Variants in MTHFSD observed in about 807,000 individuals in gnomAD.
The protein encoded by MTHFSD is methenyltetrahydrofolate synthetase domain containing.
MTHFSD carries 37 observed loss-of-function variants against 31.1 expected under a neutral mutation model. The ratio of observed to expected loss-of-function variants is 1.19; its 90% CI spans 0.91 to 1.56. MTHFSD has a LOEUF of 1.56. Among genes scored for constraint, MTHFSD ranks in the 40% most tolerant of loss-of-function variants. The pLI is 0.00. For synonymous variants in MTHFSD, 221 were observed against 206.9 expected, an observed-to-expected ratio of 1.07 and a Z score of -0.59; for missense variants, 664 against 510.1, an observed-to-expected ratio of 1.30 and a Z score of -2.91.
intron 7 of MTHFSD, among the ~76,000 whole-genome samples, chr16:86,537,849 G>A (rs1376356651): frequency 6.6e-6 from 1 of 152,220 alleles, no homozygotes; most frequent in Non-Finnish European, 1.5e-5. Context: ...GCACGAGCGT[G>A]GCTCTGGAAG....
At chr16:86,539,770 G>C (rs754542885) in intron 7 of MTHFSD, among the ~76,000 whole-genome samples, 1 of 152,178 alleles carries the variant, frequency 6.6e-6, no homozygotes, top group South Asian at 2.1e-4. Flanking sequence ...TGGAACAAAG[G>C]CCAGGGAATT....
At chr16:86,553,478 C>A (rs1164750796) in intron 2 of MTHFSD, 1 of 152,510 alleles carries the variant, frequency 6.6e-6, no homozygotes, top group Admixed American at 6.5e-5. Context: ...TGTGGGCCAG[C>A]GCGAGTTCCA....
intron 7 of MTHFSD, chr16:86,541,246 T>G (rs1048654243): frequency 7.8e-7 from 1 of 1,285,098 alleles, no homozygotes; most frequent in Non-Finnish European, 1.0e-6. Context: ...GGCTTGGTAC[T>G]GCCTCCTACT....
At chr16:86,550,795 G>A (rs1335815069) in intron 3 of MTHFSD, among the ~76,000 whole-genome samples, 4 of 152,206 alleles carry the variant, frequency 2.6e-5, no homozygotes, top group African/African-American at 4.8e-5. Context: ...TTCTGGAAGA[G>A]CCTACATGGA....
At chr16:86,551,109 A>G (rs1472477236) in intron 3 of MTHFSD, among the ~76,000 whole-genome samples, 1 of 152,240 alleles carries the variant, frequency 6.6e-6, no homozygotes, top group African/African-American at 2.4e-5. Flanking sequence ...TTTGAATGTT[A>G]CTGATTTTAT....
chr16:86,540,816 G>T (rs1971396621), intron 7 of MTHFSD: 2 of 1,024,702 alleles, frequency 2.0e-6, no homozygotes, highest in South Asian at 7.4e-5. Context: ...GGTTACAAAG[G>T]CTGTTCCCTC....
chr16:86,543,271 A>C (rs1046613339), intron 5 of MTHFSD, among the ~76,000 whole-genome samples: 25 of 152,196 alleles, frequency 1.6e-4, no homozygotes, highest in African/African-American at 6.0e-4. Context: ...GGAACAAGGA[A>C]GCGGGAAAAG....
At chr16:86,534,788 G>A (rs187120820) in intron 7 of MTHFSD, among the ~76,000 whole-genome samples, 58 of 151,630 alleles carry the variant, frequency 3.8e-4, no homozygotes, top group African/African-American at 1.4e-3. Flanking sequence ...TGAGGTGAGA[G>A]CATCCCGTGG....
intron 4 of MTHFSD, 102 bp from the exon 5 acceptor site, chr16:86,546,751 C>T: frequency 1.0e-6 from 1 of 996,940 alleles, no homozygotes; most frequent in Non-Finnish European, 1.6e-6. Flanking sequence ...ACCTCTTGGA[C>T]AAAACAGATG....
At chr16:86,536,809 G>A (rs1453558703) in intron 7 of MTHFSD, among the ~76,000 whole-genome samples, 1 of 152,230 alleles carries the variant, frequency 6.6e-6, no homozygotes, top group African/African-American at 2.4e-5. Context: ...GCTCCGCACA[G>A]AGTCCTGCAT....
In MTHFSD at chr16:86,542,998, T is replaced by G. The variant is rs1971738592; in HGVS notation, c.443-785A>C. On this transcript the variant is annotated intron_variant, in intron 5 of 7. Transcript: ENST00000360900. The surrounding 1 kb of genome is among the most constrained non-coding windows in gnomAD (Gnocchi z 4.6). ...ACCCGCAGAGCACCCGCATCACTGC[T>G]GCCGTGTCTAAGACTCACATCTGAT... Among the ~76,000 whole-genome samples the G allele has an allele frequency of 6.6e-6, 1 of 152,256 alleles. No individual in the cohort carries two copies. Among genetic ancestry groups the G allele is most frequent in the Non-Finnish European group, 1.5e-5 (1 of 68,052 alleles).
rs1239800353 is a variant in MTHFSD, at chr16:86,542,064, T to C, written c.555+37A>G. 1.9e-6 allele frequency: 3 copies of C among 1,567,726 alleles called. No individual in the cohort carries two copies. The highest frequency in any genetic ancestry group is 2.6e-6 in the Non-Finnish European group (3 of 1,140,622). On this transcript the variant is annotated intron_variant, in intron 6 of 7. Coordinates refer to ENST00000360900, the MANE Select transcript of MTHFSD (RefSeq NM_001159377.2). This position sits in a 1 kb window ranked among gnomAD's most constrained non-coding sequence, Gnocchi z 4.6. ...CACCCCCTGCTCCCTCAGAAGAGAATGGCAGTGGCTCTGCTCAGCCCATTC... is the reference window on the plus strand; with the variant it reads ...CACCCCCTGCTCCCTCAGAAGAGAACGGCAGTGGCTCTGCTCAGCCCATTC...
chr16:86,541,943 TA>T, intron 6 of MTHFSD, 121 bp from the exon 7 acceptor site: 1 of 1,445,796 alleles, frequency 6.9e-7, no homozygotes, highest in Non-Finnish European at 9.5e-7. Flanking sequence ...ACTCTGGGGC[TA>T]AGGCTTAGCC....
rs199828411 is a variant in MTHFSD, at chr16:86,530,630, TAAG to T, written c.*1378_*1380del. ...AAAAAGGTAAACAAAAAAAAAAAAA[TAAG>T]AATCTTTCAGAAAAAGAAGTATTTT... On this transcript the variant is annotated 3_prime_UTR_variant, in exon 8 of 8. Coordinates refer to ENST00000360900, the MANE Select transcript of MTHFSD (RefSeq NM_001159377.2). 1.7e-3 allele frequency: 248 copies of T among 147,914 alleles called. No individual in the cohort carries two copies. The highest frequency in any genetic ancestry group is 6.2e-3 in the African/African-American group (241 of 39,170). 9.2% of individuals were successfully genotyped at this position (147,914 alleles called of 1,614,324 possible). A position where few individuals can be genotyped will look rare whatever the true frequency, so the allele number is the denominator to read the frequency against.
chr16:86,549,640 T>A (rs1972845723), intron 3 of MTHFSD, among the ~76,000 whole-genome samples: 1 of 152,242 alleles, frequency 6.6e-6, no homozygotes, highest in Non-Finnish European at 1.5e-5. Context: ...TCTCAGCCTT[T>A]AGTGTGCATT....
chr16:86,540,896 G>A (rs1971409341), intron 7 of MTHFSD: 2 of 1,125,228 alleles, frequency 1.8e-6, no homozygotes, highest in Admixed American at 4.1e-5. Context: ...CAGGACACCT[G>A]CAGGGAAAGT....
At chr16:86,552,304 G>A in intron 2 of MTHFSD, 158 bp from the exon 3 acceptor site, 1 of 1,546,216 alleles carries the variant, frequency 6.5e-7, no homozygotes, top group Non-Finnish European at 8.7e-7. Context: ...TGTTTCCAAT[G>A]CAATCGCACG....
At position 86,531,953 on chromosome 16, in the gene MTHFSD, G is replaced by C; in HGVS notation, c.*58C>G. ...AGGCCTCTCGAGTGCCATCGGAACC[G>C]GAGCGGCAGGGGACGGGGATGGCGA... On this transcript the variant is annotated 3_prime_UTR_variant, in exon 8 of 8. Transcript: ENST00000360900. This position sits in a 1 kb window ranked among gnomAD's most constrained non-coding sequence, Gnocchi z 5.5. 1 of 1,217,230 alleles carries C rather than the reference G, an allele frequency of 8.2e-7. No individual in the cohort carries two copies. The highest frequency in any genetic ancestry group is 2.9e-5 in the East Asian group (1 of 33,946). 75.4% of individuals were successfully genotyped at this position (1,217,230 alleles called of 1,614,324 possible).
intron 4 of MTHFSD, chr16:86,547,392 T>C (rs1972477542): frequency 2.0e-6 from 2 of 985,738 alleles, no homozygotes; most frequent in South Asian, 4.7e-5. Context: ...GATCATTCGA[T>C]GTGGCGGTGG....
Sources: gnomAD v4.1 joint callset for allele counts (sites outside exome capture counted in the v4.1 genomes callset) on GRCh38, gnomAD v4.1.1 for gene constraint, Gnocchi (gnomAD v3.1) non-coding constraint, MANE v1.5 for transcripts, NCBI Gene and HGNC (gene_info 2026-07-23, HGNC 2026-07-21) for gene names.